The following PDE4B variants were observed in gnomAD, a reference collection of about 807,000 sequenced individuals.
PDE4B encodes 3',5'-cyclic-AMP phosphodiesterase 4B.
A neutral mutation model predicts 82.2 loss-of-function variants in PDE4B; 20 were observed. The observed-to-expected ratio is 0.24, with a 90% CI of 0.17 to 0.35. The LOEUF is 0.35. Among genes scored for constraint, PDE4B ranks in the 10% least tolerant of loss-of-function variants. PDE4B has a pLI of 1.00. For synonymous variants in PDE4B, 320 were observed against 318.9 expected (o/e 1.00, Z -0.04); for missense variants, 655 against 907.2 (o/e 0.72, Z 3.57).
chr1:66,058,081 C>T (rs964195124), intron 3 of PDE4B, among the ~76,000 whole-genome samples: 5 of 152,186 alleles, frequency 3.3e-5, no homozygotes, highest in Admixed American at 3.3e-4. Flanking sequence ...TGGGAAAATA[C>T]ACCCATTCAT....
intron 1 of PDE4B, among the ~76,000 whole-genome samples, chr1:65,912,920 G>A (rs1230386102): frequency 2.0e-5 from 3 of 152,054 alleles, no homozygotes; most frequent in Non-Finnish European, 4.4e-5. Flanking sequence ...TATTTTATGG[G>A]AATATACTTT....
At chr1:66,301,605 T>C (rs1294897919) in intron 7 of PDE4B, among the ~76,000 whole-genome samples, 1 of 152,078 alleles carries the variant, frequency 6.6e-6, no homozygotes, top group South Asian at 2.1e-4. Flanking sequence ...TCCATATTTT[T>C]TTTAATTCAG....
At chr1:66,308,521 A>G (rs186722488) in intron 7 of PDE4B, among the ~76,000 whole-genome samples, 1 of 152,314 alleles carries the variant, frequency 6.6e-6, no homozygotes, top group East Asian at 1.9e-4. Flanking sequence ...CCCAAAGGTA[A>G]TTACCATCTT....
chr1:66,179,301 C>T (rs541388756), intron 3 of PDE4B, among the ~76,000 whole-genome samples: 44 of 152,246 alleles, frequency 2.9e-4, no homozygotes, highest in African/African-American at 1.1e-3. Context: ...AGTGTCTGTG[C>T]ATATTTAGAA....
chr1:66,315,261 A>C (rs543348228), intron 7 of PDE4B, among the ~76,000 whole-genome samples: 2 of 152,312 alleles, frequency 1.3e-5, no homozygotes, highest in South Asian at 4.1e-4. Context: ...TTTGTTGCAC[A>C]AGCTCTTAAG....
intron 4 of PDE4B, among the ~76,000 whole-genome samples, chr1:66,256,497 A>T (rs1299241124): frequency 1.3e-5 from 2 of 152,210 alleles, no homozygotes; most frequent in African/African-American, 4.8e-5. Flanking sequence ...GTCACTGTAC[A>T]GAGTGGGCAC....
At chr1:66,325,306 G>A (rs968407180) in intron 7 of PDE4B, among the ~76,000 whole-genome samples, 3 of 152,200 alleles carry the variant, frequency 2.0e-5, no homozygotes, top group African/African-American at 7.2e-5. Context: ...GGAGGAAGCT[G>A]AGAAGGCGCC....
At chr1:66,198,702 T>C (rs1648560814) in intron 3 of PDE4B, among the ~76,000 whole-genome samples, 1 of 152,218 alleles carries the variant, frequency 6.6e-6, no homozygotes, top group African/African-American at 2.4e-5. Flanking sequence ...GTCGGTGTAC[T>C]GCACCCATTA....
chr1:65,913,244 G>A lies in PDE4B; in HGVS notation c.-70-1G>A. 2 of 1,308,540 alleles carry A rather than the reference G, an allele frequency of 1.5e-6. No homozygotes were observed. The highest frequency in any genetic ancestry group is 2.2e-6 in the Non-Finnish European group (2 of 903,656). The allele number at this position is 1,308,540 out of a possible 1,614,324, so 81.1% of individuals were successfully genotyped here. A position where few individuals can be genotyped will look rare whatever the true frequency, so the allele number is the denominator to read the frequency against. The stretch of plus-strand genomic sequence containing the variant: ...TTTTTGTGTGTTTTTTTCTCCTGTA[G>A]GTATTAAAAAGTGTCAGCAAACTGC... On this transcript the variant is annotated splice_acceptor_variant, in intron 1 of 16. Coordinates refer to ENST00000341517, the MANE Select transcript of PDE4B (RefSeq NM_002600.4). LOFTEE classifies it low-confidence loss of function (5UTR_SPLICE).
intron 3 of PDE4B, among the ~76,000 whole-genome samples, chr1:65,927,437 T>C (rs1422645976): frequency 6.8e-6 from 1 of 146,636 alleles, no homozygotes; most frequent in Non-Finnish European, 1.5e-5. Flanking sequence ...ATATAATATA[T>C]GTAAATATAT....
At chr1:66,162,291 G>A (rs1458187093) in intron 3 of PDE4B, among the ~76,000 whole-genome samples, 1 of 122,176 alleles carries the variant, frequency 8.2e-6, no homozygotes, top group Non-Finnish European at 1.7e-5. Flanking sequence ...TGGTGGTAAG[G>A]TTCATGGACT....
chr1:65,940,106 A>G (rs2100543740), intron 3 of PDE4B, among the ~76,000 whole-genome samples: 1 of 152,282 alleles, frequency 6.6e-6, no homozygotes, highest in African/African-American at 2.4e-5. Flanking sequence ...TGCTTTAGAC[A>G]AGTTTGCTAC....
At chr1:66,021,541 G>C (rs57202366) in intron 3 of PDE4B, among the ~76,000 whole-genome samples, 3,222 of 152,104 alleles carry the variant, frequency 0.021, 116 homozygotes, top group African/African-American at 0.073. Context: ...ATATCGCTAG[G>C]CAGTTTTCCC....
intron 3 of PDE4B, among the ~76,000 whole-genome samples, chr1:66,239,619 A>C (rs548563664): frequency 6.6e-6 from 1 of 152,240 alleles, no homozygotes; most frequent in Admixed American, 6.5e-5. Flanking sequence ...TAATGCTCCT[A>C]TATTTATGAA....
chr1:65,860,909 G>A (rs1646447071), intron 1 of PDE4B, among the ~76,000 whole-genome samples: 1 of 151,922 alleles, frequency 6.6e-6, no homozygotes, highest in South Asian at 2.1e-4. Context: ...TTTTTTTCTT[G>A]TAAATTTGTT....
intron 3 of PDE4B, among the ~76,000 whole-genome samples, chr1:65,953,623 G>A (rs1434137290): frequency 6.6e-6 from 1 of 152,086 alleles, no homozygotes; most frequent in Non-Finnish European, 1.5e-5. Context: ...TTAGACTGCT[G>A]ACCTTCAGAA....
At chr1:66,196,793 A>G (rs1323826748) in intron 3 of PDE4B, among the ~76,000 whole-genome samples, 1 of 112,400 alleles carries the variant, frequency 8.9e-6, no homozygotes, top group Non-Finnish European at 1.7e-5. Flanking sequence ...GGAATATCAC[A>G]CTCTGGGGAC....
chr1:66,117,478 A>G (rs1645618696), intron 3 of PDE4B, among the ~76,000 whole-genome samples: 1 of 152,218 alleles, frequency 6.6e-6, no homozygotes, highest in Admixed American at 6.5e-5. Flanking sequence ...AACTTTTAAT[A>G]CTGGTGGATA....
intron 3 of PDE4B, among the ~76,000 whole-genome samples, chr1:66,054,080 A>G (rs1236388435): frequency 6.6e-6 from 1 of 152,140 alleles, no homozygotes; most frequent in African/African-American, 2.4e-5. Context: ...TTTCTCATGC[A>G]GAAGGCGGTG....
Sources: gnomAD v4.1 joint callset for allele counts (sites outside exome capture counted in the v4.1 genomes callset) on GRCh38, gnomAD v4.1.1 for gene constraint, MANE v1.5 for transcripts, NCBI Gene and HGNC (gene_info 2026-07-23, HGNC 2026-07-21) for gene names.